The following RIMKLB variants were observed in gnomAD, a reference collection of about 807,000 sequenced individuals.
RIMKLB encodes ribosomal modification protein rimK like family member B.
A neutral mutation model predicts 32.0 loss-of-function variants in RIMKLB; 7 were observed. That is an observed-to-expected ratio of 0.22 (90% CI 0.12 to 0.41). RIMKLB has a LOEUF of 0.41. Ranked by LOEUF, RIMKLB falls within the 10% of genes least tolerant of loss-of-function variation. The pLI, the probability that RIMKLB is intolerant of heterozygous loss-of-function variation, is 1.00. For missense variants in RIMKLB, 289 were observed against 498.7 expected (o/e 0.58, Z 4.00); for synonymous variants, 172 against 185.1 (o/e 0.93, Z 0.57).
intron 5 of RIMKLB, among the ~76,000 whole-genome samples, chr12:8,762,505 C>T (rs937328831): frequency 7.2e-5 from 11 of 151,980 alleles, no homozygotes; most frequent in East Asian, 3.9e-4. Context: ...CTGATGACCC[C>T]GGCAGTTTAA....
chr12:8,690,297 C>T (rs1445369313), intron 1 of RIMKLB, among the ~76,000 whole-genome samples: 1 of 152,058 alleles, frequency 6.6e-6, no homozygotes, highest in Non-Finnish European at 1.5e-5. Flanking sequence ...TTTGTTGAAT[C>T]TTTAGAGGTG....
At chr12:8,676,040 A>G in the RIMKLB span, among the ~76,000 whole-genome samples, 15 of 151,998 alleles carry the variant, frequency 9.9e-5, no homozygotes, top group African/African-American at 3.6e-4. Flanking sequence ...GATCAATCTC[A>G]TCTCTGTCAA....
At chr12:8,766,638 A>T (rs1949991983) in intron 5 of RIMKLB, among the ~76,000 whole-genome samples, 1 of 152,196 alleles carries the variant, frequency 6.6e-6, no homozygotes, top group African/African-American at 2.4e-5. Flanking sequence ...GATTCTCCCT[A>T]TCAATTGCTG....
intron 1 of RIMKLB, among the ~76,000 whole-genome samples, chr12:8,705,995 A>G (rs1294193727): frequency 1.3e-5 from 2 of 152,232 alleles, no homozygotes; most frequent in Non-Finnish European, 1.5e-5. Flanking sequence ...TTAATCACGT[A>G]TAGAAAATAC....
chr12:8,743,354 CAAA>C lies in RIMKLB; in HGVS notation c.176-6487_176-6485del, dbSNP rs60066068. ...GGGTGACAGAGCCAAGAGTCTGTCT[CAAA>C]AAAAAAAAAAAAAAAAAAAATTCCG... On this transcript the variant is annotated intron_variant, in intron 2 of 5. Coordinates refer to ENST00000535829, the MANE Select transcript of RIMKLB (RefSeq NM_001297776.2). 4.3e-4 allele frequency among the ~76,000 whole-genome samples: 28 copies of C among 65,166 alleles called. 1 individual carries two copies. The highest frequency in any genetic ancestry group is 1.2e-3 in the South Asian group (2 of 1,622). 42.8% of individuals were successfully genotyped at this position (65,166 alleles called of 152,430 possible).
intron 5 of RIMKLB, among the ~76,000 whole-genome samples, chr12:8,758,464 A>G (rs1055733811): frequency 6.6e-6 from 1 of 152,030 alleles, no homozygotes; most frequent in Non-Finnish European, 1.5e-5. Flanking sequence ...CAGTTATATG[A>G]ATTGTAAGTA....
At chr12:8,759,539 C>A (rs1285465994) in intron 5 of RIMKLB, among the ~76,000 whole-genome samples, 3 of 152,120 alleles carry the variant, frequency 2.0e-5, no homozygotes, top group Non-Finnish European at 2.9e-5. Context: ...ATGAGAGAAT[C>A]TTTTCATAGT....
rs1464445635 is a variant in RIMKLB, at chr12:8,698,034, T to TGTGGGA, written c.-316_-311dup. ...AACGAGGAGCGGCCGGGTGTGAGTG[T>TGTGGGA]GTGGGAGTGAGAGTGTGTGGGAGTG... On this transcript the variant is annotated 5_prime_UTR_variant, in exon 1 of 6. Transcript: ENST00000535829. 1.9e-5 allele frequency: 4 copies of TGTGGGA among 208,856 alleles called. No homozygotes were observed. Among genetic ancestry groups the TGTGGGA allele is most frequent in the Non-Finnish European group, 3.0e-5 (3 of 98,640 alleles). The allele number at this position is 208,856 out of a possible 1,614,324, so 12.9% of individuals were successfully genotyped here. A position where few individuals can be genotyped will look rare whatever the true frequency, so the allele number is the denominator to read the frequency against.
Position 8,776,655 on chromosome 12 carries a change from A to G in RIMKLB, c.*2871A>G, listed in dbSNP as rs147128275. Reference sequence around the variant, plus strand: ...TAAACATACAAGTATGAACTATTCTATTTAAAATTTTTAATAGTTTTTTTC... The same window carrying G: ...TAAACATACAAGTATGAACTATTCTGTTTAAAATTTTTAATAGTTTTTTTC... On this transcript the variant is annotated 3_prime_UTR_variant, in exon 6 of 6. Transcript: ENST00000535829. The G allele has an allele frequency of 1.1e-3, 1,027 of 953,936 alleles. 11 individuals are homozygous for G. In the East Asian group the frequency reaches 0.04, roughly 37 times the overall value. The allele number at this position is 953,936 out of a possible 1,614,324, so 59.1% of individuals were successfully genotyped here. A position where few individuals can be genotyped will look rare whatever the true frequency, so the allele number is the denominator to read the frequency against.
At chr12:8,681,143 G>C (rs1253506173), upstream of RIMKLB, among the ~76,000 whole-genome samples, 1 of 151,852 alleles carries the variant, frequency 6.6e-6, no homozygotes, top group African/African-American at 2.4e-5. Flanking sequence ...GTAGAGATGG[G>C]GTTTCACCAT....
At chr12:8,734,395 G>T (rs1946816084) in intron 2 of RIMKLB, among the ~76,000 whole-genome samples, 1 of 152,124 alleles carries the variant, frequency 6.6e-6, no homozygotes, top group Non-Finnish European at 1.5e-5. Context: ...TAAATATATT[G>T]GTTCTGGTGA....
At chr12:8,681,081 C>A (rs553615431), upstream of RIMKLB, among the ~76,000 whole-genome samples, 25 of 151,984 alleles carry the variant, frequency 1.6e-4, no homozygotes, top group Middle Eastern at 3.4e-3. Context: ...CCACCTCAGC[C>A]TCCCAAGTAG....
upstream of RIMKLB, among the ~76,000 whole-genome samples, chr12:8,676,838 GA>G (rs1282251905): frequency 6.6e-6 from 1 of 152,110 alleles, no homozygotes; most frequent in Non-Finnish European, 1.5e-5. Context: ...ACCGACTCAG[GA>G]AGGGGAAAAG....
chr12:8,710,642 C>T (rs1194367615), intron 1 of RIMKLB, among the ~76,000 whole-genome samples: 1 of 152,098 alleles, frequency 6.6e-6, no homozygotes. Context: ...TGTGGCTCTT[C>T]AGAGGGGAAT....
At chr12:8,710,649 G>C (rs1027470150) in intron 1 of RIMKLB, among the ~76,000 whole-genome samples, 2 of 152,060 alleles carry the variant, frequency 1.3e-5, no homozygotes, top group African/African-American at 4.8e-5. Context: ...CTTCAGAGGG[G>C]AATATTATTT....
intron 5 of RIMKLB, among the ~76,000 whole-genome samples, chr12:8,756,684 CTTTTTTTTTTTTTT>C (rs145312687): frequency 1.1e-5 from 1 of 90,966 alleles, no homozygotes; most frequent in African/African-American, 4.4e-5. Flanking sequence ...TTACTTTCTA[CTTTTTTTTTTTTTT>C]TTTTTTTTTT....
intron 2 of RIMKLB, among the ~76,000 whole-genome samples, chr12:8,728,433 G>A (rs1341641698): frequency 6.6e-6 from 1 of 152,086 alleles, no homozygotes; most frequent in Non-Finnish European, 1.5e-5. Context: ...TTTGCTACTG[G>A]ACTACAAACA....
chr12:8,762,562 A>G (rs1043075210), intron 5 of RIMKLB, among the ~76,000 whole-genome samples: 1 of 151,928 alleles, frequency 6.6e-6, no homozygotes, highest in East Asian at 1.9e-4. Context: ...TAATCTCCTA[A>G]TGGCTTCCTG....
At chr12:8,764,282 T>C (rs1949771917) in intron 5 of RIMKLB, among the ~76,000 whole-genome samples, 1 of 152,148 alleles carries the variant, frequency 6.6e-6, no homozygotes, top group African/African-American at 2.4e-5. Flanking sequence ...ATTGTCCTTC[T>C]GTTCCCCAGA....
Sources: gnomAD v4.1 joint callset for allele counts (sites outside exome capture counted in the v4.1 genomes callset) on GRCh38, gnomAD v4.1.1 for gene constraint, MANE v1.5 for transcripts, NCBI Gene and HGNC (gene_info 2026-07-23, HGNC 2026-07-21) for gene names.